LYSMD1: variants seen among roughly 807,000 people sequenced by gnomAD.
LYSMD1 encodes lysM and putative peptidoglycan-binding domain-containing protein 1.
In LYSMD1, 9 loss-of-function variants were observed where a neutral mutation model predicts 19.3. The observed-to-expected ratio is 0.47, with a 90% CI of 0.28 to 0.81. The LOEUF is 0.81. Ranked by LOEUF, LYSMD1 falls within the 40% of genes least tolerant of loss-of-function variation. LYSMD1 has a pLI of 0.11. For missense variants in LYSMD1, 262 were observed against 279.8 expected, an observed-to-expected ratio of 0.94 and a Z score of 0.45; for synonymous variants, 111 against 111.7, an observed-to-expected ratio of 0.99 and a Z score of 0.04.
Position 151,165,828 on chromosome 1 carries a change from G to T in LYSMD1, c.-570C>A. ...ATTTCGGCTCCACATCTAGGTTGTT[G>T]TCCCTCCAAACGCCTCAGATCCGCC... is the stretch of plus-strand genomic sequence containing the variant. On this transcript the variant is annotated 5_prime_UTR_variant, in exon 1 of 3. Coordinates refer to ENST00000368908, the MANE Select transcript of LYSMD1 (RefSeq NM_212551.5). The T allele has an allele frequency of 6.7e-7, 1 of 1,486,708 alleles. No homozygotes were observed. Among genetic ancestry groups the T allele is most frequent in the Non-Finnish European group, 9.2e-7 (1 of 1,087,810 alleles). 92.1% of individuals were successfully genotyped at this position (1,486,708 alleles called of 1,614,324 possible).
At chr1:151,149,996 C>T in the LYSMD1 span, among the ~76,000 whole-genome samples, 2 of 152,186 alleles carry the variant, frequency 1.3e-5, no homozygotes, top group South Asian at 4.1e-4. Flanking sequence ...CTAGTGAATG[C>T]CATCCGTATC....
At chr1:151,158,420 A>G (rs1418212847), downstream of LYSMD1, among the ~76,000 whole-genome samples, 2 of 151,774 alleles carry the variant, frequency 1.3e-5, no homozygotes, top group Non-Finnish European at 2.9e-5. Context: ...GTGCTAGGCT[A>G]GCCTCCCGTG....
In LYSMD1 at chr1:151,162,084, C is replaced by G. The variant is rs184513568; in HGVS notation, c.197G>C (p.Arg66Pro). The G allele has an allele frequency of 4.4e-6, 7 of 1,591,086 alleles. No homozygotes were observed. Among genetic ancestry groups the G allele is most frequent in the Admixed American group, 1.9e-5 (1 of 53,264 alleles). The part of the protein sequence containing the change: ...KYGVTMEQIK[R>P]ANRLYTNDSI... ...GTCATTAGTATAAAGGCGGTTTGCA[C>G]GTTTAATCTGTTCCATCTTAAAAAA... Residue 66 changes from arginine (R) to proline (P), a missense_variant, in exon 2 of 3, where the codon CGT becomes CCT. By Grantham distance (103) the Arg-to-Pro change is moderately radical. Coordinates refer to ENST00000368908, the MANE Select transcript of LYSMD1 (RefSeq NM_212551.5).
intron 1 of LYSMD1, among the ~76,000 whole-genome samples, chr1:151,164,201 G>A (rs949030402): frequency 2.0e-5 from 3 of 152,068 alleles, no homozygotes; most frequent in African/African-American, 7.2e-5. Context: ...ACCCCTATTC[G>A]TTGTTAATAC....
intron 2 of LYSMD1, 151 bp from the exon 3 acceptor site, chr1:151,161,171 A>G (rs1161306617): frequency 1.4e-6 from 1 of 726,412 alleles, no homozygotes; most frequent in Non-Finnish European, 2.2e-6. Context: ...CCTAACCCTA[A>G]TGCTCCTTCA....
chr1:151,159,275 C>T, downstream of LYSMD1: 1 of 1,587,544 alleles, frequency 6.3e-7, no homozygotes, highest in Non-Finnish European at 8.6e-7. Flanking sequence ...TAGCACATTC[C>T]ACCTTGACAA....
At chr1:151,148,547 C>T in the LYSMD1 span, among the ~76,000 whole-genome samples, 1 of 152,068 alleles carries the variant, frequency 6.6e-6, no homozygotes, top group African/African-American at 2.4e-5. Flanking sequence ...AAAAAGACAA[C>T]ACCAAGTCTC....
chr1:151,158,737 G>A, downstream of LYSMD1: 1 of 1,612,320 alleles, frequency 6.2e-7, no homozygotes, highest in Non-Finnish European at 8.5e-7. Context: ...ACTGCAAGCA[G>A]AGAAGAAGCT....
downstream of LYSMD1, chr1:151,158,751 G>A (rs1168298275): frequency 6.2e-7 from 1 of 1,613,692 alleles, no homozygotes; most frequent in Admixed American, 1.7e-5. Flanking sequence ...AGAAGCTACT[G>A]AGTAAGATGG....
At chr1:151,149,664 T>A in the LYSMD1 span, among the ~76,000 whole-genome samples, 7 of 151,968 alleles carry the variant, frequency 4.6e-5, no homozygotes, top group Admixed American at 3.9e-4. Flanking sequence ...GGCAGGAGAA[T>A]TGCTTGAACC....
the LYSMD1 span, among the ~76,000 whole-genome samples, chr1:151,149,715 C>T: frequency 6.6e-6 from 1 of 152,178 alleles, no homozygotes; most frequent in Non-Finnish European, 1.5e-5. Flanking sequence ...CGCACCACTG[C>T]ACTCCAGCCT....
At chr1:151,152,258 G>A in the LYSMD1 span, among the ~76,000 whole-genome samples, 4 of 151,100 alleles carry the variant, frequency 2.6e-5, no homozygotes, top group Admixed American at 6.6e-5. Flanking sequence ...TTAGCTGGGC[G>A]TGGTAGCGCG....
downstream of LYSMD1, chr1:151,158,581 G>T: frequency 9.7e-7 from 1 of 1,028,212 alleles, no homozygotes; most frequent in Non-Finnish European, 1.4e-6. Flanking sequence ...AAACAAAGAT[G>T]ATGATGACAT....
chr1:151,160,876 G>C lies in LYSMD1; in HGVS notation c.*6C>G, dbSNP rs1683418691. 1.2e-6 allele frequency: 2 copies of C among 1,613,296 alleles called. No homozygotes were observed. The highest frequency in any genetic ancestry group is 1.7e-6 in the Non-Finnish European group (2 of 1,179,370). ...ATCTTGCTTCTCTCAGTCAGTTCTGGGGACATCAGAGTTTGAAGATTTCAT... is the reference window on the plus strand; with the variant it reads ...ATCTTGCTTCTCTCAGTCAGTTCTGCGGACATCAGAGTTTGAAGATTTCAT... On this transcript the variant is annotated 3_prime_UTR_variant, in exon 3 of 3. Coordinates refer to ENST00000368908, the MANE Select transcript of LYSMD1 (RefSeq NM_212551.5).
chr1:151,160,675 C>T lies in LYSMD1; in HGVS notation c.*207G>A. 2.1e-6 allele frequency: 1 copy of T among 470,902 alleles called. No homozygotes were observed. Among genetic ancestry groups the T allele is most frequent in the South Asian group, 3.6e-5 (1 of 27,780 alleles). The allele number at this position is 470,902 out of a possible 1,614,324, so 29.2% of individuals were successfully genotyped here. On this transcript the variant is annotated 3_prime_UTR_variant, in exon 3 of 3. Transcript: ENST00000368908. ...CTCAACTCTAGATTCAGCCCAAGAA[C>T]TGGGAAAGGTCCAGTTCCCATTCCC...
At position 151,165,242 on chromosome 1, in the gene LYSMD1, C is replaced by A. The variant is rs970639544; in HGVS notation, c.17G>T (p.Arg6Ile). 1.2e-6 allele frequency: 2 copies of A among 1,613,268 alleles called. No homozygotes were observed. Among genetic ancestry groups the A allele is most frequent in the African/African-American group, 2.7e-5 (2 of 75,016 alleles). Reference sequence around the variant, plus strand: ...TCCTGACCCCCCTGGCGGGGGCTGTCTAGACGGGGAAGCCATCTCTTCACC... The same window carrying A: ...TCCTGACCCCCCTGGCGGGGGCTGTATAGACGGGGAAGCCATCTCTTCACC... MASPS[R>I]QPPPGGSGLL... The change falls in exon 1 of 3, where the codon AGA (arginine) becomes ATA (isoleucine). Residue 6 changes from arginine to isoleucine, a missense_variant. Physicochemically the swap from Arg to Ile is moderately conservative, Grantham distance 97. Transcript: ENST00000368908.
chr1:151,165,057 A>C, intron 1 of LYSMD1, 22 bp downstream of exon 1: 2 of 1,606,388 alleles, frequency 1.2e-6, no homozygotes, highest in African/African-American at 1.3e-5. Flanking sequence ...TGTTGTCTTC[A>C]CCCCAATCCT....
chr1:151,162,117 A>G lies in LYSMD1; in HGVS notation c.181-17T>C. On this transcript the variant is annotated splice_polypyrimidine_tract_variant and intron_variant, in intron 1 of 2. Transcript: ENST00000368908. ...CTGTTCCATCTTAAAAAAAAAAGTC[A>G]CCAAAATTAAGGACAGTAATAATGA... The G allele has an allele frequency of 1.3e-6, 2 of 1,580,132 alleles. No individual in the cohort carries two copies. The highest frequency in any genetic ancestry group is 1.7e-6 in the Non-Finnish European group (2 of 1,171,388).
chr1:151,164,295 G>A (rs1243324242), intron 1 of LYSMD1, among the ~76,000 whole-genome samples: 1 of 152,182 alleles, frequency 6.6e-6, no homozygotes, highest in African/African-American at 2.4e-5. Context: ...ATTACATGAG[G>A]ACAGCAACCA....
Sources: gnomAD v4.1 joint callset for allele counts (sites outside exome capture counted in the v4.1 genomes callset) on GRCh38, gnomAD v4.1.1 for gene constraint, MANE v1.5 for transcripts, NCBI Gene and HGNC (gene_info 2026-07-23, HGNC 2026-07-21) for gene names.